NTM: variants seen among roughly 807,000 people sequenced by gnomAD.
NTM encodes the protein neurotrimin, also known as IgLON family member 2.
Under a neutral mutation model 42.1 loss-of-function variants are expected in NTM, and 13 were observed. The ratio of observed to expected loss-of-function variants is 0.31; its 90% CI spans 0.20 to 0.49. The LOEUF is 0.49. Among genes scored for constraint, NTM ranks in the 20% least tolerant of loss-of-function variants. NTM has a pLI of 0.99. For synonymous variants in NTM, 187 were observed against 179.2 expected (o/e 1.04, Z -0.35); for missense variants, 373 against 452.8 (o/e 0.82, Z 1.60).
chr11:132,062,496 C>CTTT (rs67319928), intron 2 of NTM, among the ~76,000 whole-genome samples: 2 of 148,654 alleles, frequency 1.3e-5, no homozygotes, highest in Non-Finnish European at 3.0e-5. Context: ...AAGAGATAGG[C>CTTT]TTTTTTTTTT....
intron 2 of NTM, among the ~76,000 whole-genome samples, chr11:132,047,771 A>G (rs144882952): frequency 5.1e-4 from 77 of 152,328 alleles, no homozygotes; most frequent in African/African-American, 1.8e-3. Context: ...GTCTGAGAGA[A>G]GAAAACTGGT....
chr11:131,762,221 T>G (rs555689464), intron 1 of NTM, among the ~76,000 whole-genome samples: 1 of 152,344 alleles, frequency 6.6e-6, no homozygotes, highest in Admixed American at 6.5e-5. Flanking sequence ...ACTCTTTGCC[T>G]AGGTTCCCAT....
At chr11:132,321,073 G>A (rs1441752651) in intron 7 of NTM, among the ~76,000 whole-genome samples, 1 of 151,782 alleles carries the variant, frequency 6.6e-6, no homozygotes, top group Non-Finnish European at 1.5e-5. Flanking sequence ...ACAAAGATGG[G>A]GAAAAAACAG....
At chr11:131,444,331 G>A (rs747262849) in intron 1 of NTM, among the ~76,000 whole-genome samples, 6 of 152,004 alleles carry the variant, frequency 3.9e-5, no homozygotes, top group South Asian at 2.1e-4. Context: ...CAAGGAGTGC[G>A]TCTTATGGAA....
intron 7 of NTM, among the ~76,000 whole-genome samples, chr11:132,325,928 A>G (rs1453033614): frequency 6.6e-6 from 1 of 152,038 alleles, no homozygotes; most frequent in Middle Eastern, 3.2e-3. Context: ...CAAAAAACCA[A>G]ACACCGCGTG....
At position 131,654,609 on chromosome 11, in the gene NTM, T is replaced by C. The variant is rs182248978; in HGVS notation, c.83-256955T>C. On this transcript the variant is annotated intron_variant, in intron 1 of 8. Transcript: ENST00000683400. ...GGAGGTGAGGCCTGGTGGGAGGTGTTGGGTAATGGGAGCGGATTCTTCGTG... is the reference window on the plus strand; with the variant it reads ...GGAGGTGAGGCCTGGTGGGAGGTGTCGGGTAATGGGAGCGGATTCTTCGTG... Among the ~76,000 whole-genome samples, 45 of 152,216 alleles carry C rather than the reference T, an allele frequency of 3.0e-4. No individual in the cohort carries two copies. In the East Asian group the frequency reaches 7.3e-3, roughly 25 times the overall value.
intron 1 of NTM, among the ~76,000 whole-genome samples, chr11:131,438,143 A>T (rs1157947151): frequency 6.6e-6 from 1 of 152,198 alleles, no homozygotes; most frequent in Non-Finnish European, 1.5e-5. Context: ...GTTTCTGCCG[A>T]GGGATCCTCT....
chr11:131,408,552 C>T (rs1343580808), intron 1 of NTM, among the ~76,000 whole-genome samples: 1 of 152,130 alleles, frequency 6.6e-6, no homozygotes, highest in African/African-American at 2.4e-5. Context: ...AAAAGAATTG[C>T]CACTTTTGAG....
chr11:131,724,973 G>T (rs989696596), intron 1 of NTM, among the ~76,000 whole-genome samples: 1 of 152,170 alleles, frequency 6.6e-6, no homozygotes, highest in Non-Finnish European at 1.5e-5. Context: ...GGAGCCATGG[G>T]GTAGGTTTAC....
intron 2 of NTM, among the ~76,000 whole-genome samples, chr11:131,950,518 C>T (rs1488330760): frequency 6.6e-6 from 1 of 152,212 alleles, no homozygotes; most frequent in Non-Finnish European, 1.5e-5. Flanking sequence ...ACTCCCCTTT[C>T]ACCCTCATCC....
chr11:131,893,956 A>G (rs75284435), intron 1 of NTM, among the ~76,000 whole-genome samples: 2,741 of 152,326 alleles, frequency 0.018, 40 homozygotes, highest in Non-Finnish European at 0.026. Flanking sequence ...TAGTCCTTCT[A>G]CTGTGTAAAG....
chr11:131,952,434 T>C (rs949501074), intron 2 of NTM, among the ~76,000 whole-genome samples: 1 of 152,256 alleles, frequency 6.6e-6, no homozygotes, highest in Non-Finnish European at 1.5e-5. Context: ...TATATATTTA[T>C]ATACATACAC....
At chr11:131,400,614 G>A (rs905904165) in intron 1 of NTM, among the ~76,000 whole-genome samples, 10 of 152,156 alleles carry the variant, frequency 6.6e-5, no homozygotes, top group African/African-American at 2.4e-4. Flanking sequence ...GATGGGCATT[G>A]TCGACATGGA....
chr11:131,598,338 C>T (rs1448456967), intron 1 of NTM, among the ~76,000 whole-genome samples: 2 of 152,160 alleles, frequency 1.3e-5, no homozygotes, highest in Non-Finnish European at 2.9e-5. Context: ...TTCCGTGTTC[C>T]CAAGTGGAAG....
At chr11:132,077,669 A>G (rs2058540425) in intron 2 of NTM, among the ~76,000 whole-genome samples, 2 of 152,240 alleles carry the variant, frequency 1.3e-5, no homozygotes, top group Admixed American at 6.5e-5. Context: ...TCCATAGCCA[A>G]TGGTGTGTTT....
At chr11:132,240,233 T>A (rs1004967508) in intron 4 of NTM, among the ~76,000 whole-genome samples, 1 of 152,264 alleles carries the variant, frequency 6.6e-6, no homozygotes, top group Non-Finnish European at 1.5e-5. Flanking sequence ...TATAAATAAC[T>A]TTTTGTGATA....
At chr11:132,217,860 C>A (rs1031730715) in intron 4 of NTM, among the ~76,000 whole-genome samples, 8 of 152,116 alleles carry the variant, frequency 5.3e-5, no homozygotes, top group Admixed American at 5.2e-4. Context: ...TGTGCTCCCC[C>A]TCCCCTTCCC....
chr11:131,847,647 G>C (rs1042552574), intron 1 of NTM, among the ~76,000 whole-genome samples: 1 of 151,982 alleles, frequency 6.6e-6, no homozygotes, highest in Admixed American at 6.6e-5. Flanking sequence ...ATCAGTCCAG[G>C]TTTGATGAAC....
intron 1 of NTM, among the ~76,000 whole-genome samples, chr11:131,849,878 G>C (rs1016735721): frequency 6.6e-6 from 1 of 150,868 alleles, no homozygotes; most frequent in Non-Finnish European, 1.5e-5. Flanking sequence ...GCTAAATGAC[G>C]AGTTAATGGG....
Sources: gnomAD v4.1 joint callset for allele counts (sites outside exome capture counted in the v4.1 genomes callset) on GRCh38, gnomAD v4.1.1 for gene constraint, MANE v1.5 for transcripts, NCBI Gene and HGNC (gene_info 2026-07-23, HGNC 2026-07-21) for gene names.